CBFA2T2: variants seen among roughly 807,000 people sequenced by gnomAD.
The protein encoded by CBFA2T2 is protein CBFA2T2.
A neutral mutation model predicts 62.2 loss-of-function variants in CBFA2T2; 11 were observed. The observed-to-expected ratio is 0.18, with a 90% CI of 0.11 to 0.29. The LOEUF (loss-of-function observed/expected upper bound fraction) is 0.29, where lower values mean the gene tolerates loss of function less well. Ranked by LOEUF, CBFA2T2 falls within the 10% of genes least tolerant of loss-of-function variation. The probability of loss-of-function intolerance (pLI) is 1.00; values close to 1 mark genes in which losing one functional copy is unlikely to be tolerated. For missense variants in CBFA2T2, 592 were observed against 774.1 expected, an observed-to-expected ratio of 0.76 and a Z score of 2.79; for synonymous variants, 295 against 287.5, an observed-to-expected ratio of 1.03 and a Z score of -0.27.
At chr20:33,553,713 G>T (rs1316972346) in intron 1 of CBFA2T2, among the ~76,000 whole-genome samples, 2 of 152,200 alleles carry the variant, frequency 1.3e-5, no homozygotes, top group Non-Finnish European at 2.9e-5. Context: ...CAGGCTATAA[G>T]TTTGCTGACT....
chr20:33,587,269 T>G (rs540811426), intron 1 of CBFA2T2, among the ~76,000 whole-genome samples: 8 of 145,694 alleles, frequency 5.5e-5, no homozygotes, highest in African/African-American at 2.0e-4. Context: ...TTGTTTTGTT[T>G]TGTTTTGTTT....
chr20:33,554,558 T>TTTTTCTTTTC (rs143747291), intron 1 of CBFA2T2, among the ~76,000 whole-genome samples: 284 of 149,568 alleles, frequency 1.9e-3, no homozygotes, highest in African/African-American at 6.9e-3. Flanking sequence ...CTATTTTTCT[T>TTTTTCTTTTC]TTTTCTTTTC....
intron 1 of CBFA2T2, among the ~76,000 whole-genome samples, chr20:33,594,471 C>T (rs139975647): frequency 4.9e-4 from 75 of 152,246 alleles, no homozygotes; most frequent in African/African-American, 1.6e-3. Flanking sequence ...CCTCCTGCCT[C>T]GGCCTCCCAA....
chr20:33,618,946 G>A (rs1390944089), intron 3 of CBFA2T2, among the ~76,000 whole-genome samples: 1 of 152,188 alleles, frequency 6.6e-6, no homozygotes, highest in Non-Finnish European at 1.5e-5. Context: ...TAGGCTGCTG[G>A]GCAAAGGGGA....
intron 1 of CBFA2T2, among the ~76,000 whole-genome samples, chr20:33,584,652 C>A (rs1812060787): frequency 6.6e-6 from 1 of 151,976 alleles, no homozygotes; most frequent in South Asian, 2.1e-4. Flanking sequence ...GAAGTAATAG[C>A]AATAATAATA....
chr20:33,606,722 A>C (rs1405898621), intron 1 of CBFA2T2, among the ~76,000 whole-genome samples: 3 of 152,060 alleles, frequency 2.0e-5, no homozygotes, highest in African/African-American at 7.2e-5. Flanking sequence ...ACAATCTAGG[A>C]TGATCTCATC....
intron 1 of CBFA2T2, among the ~76,000 whole-genome samples, chr20:33,513,834 AAAG>A (rs1456000672): frequency 6.6e-6 from 1 of 150,892 alleles, no homozygotes; most frequent in East Asian, 2.0e-4. Context: ...AAAAAAAAAA[AAAG>A]AATGTTGTAC....
At chr20:33,633,409 TTGGGTTATGCAGAAATCCA>T (rs1298590634) in intron 8 of CBFA2T2, among the ~76,000 whole-genome samples, 1 of 151,472 alleles carries the variant, frequency 6.6e-6, no homozygotes, top group East Asian at 1.9e-4. Context: ...AATAAAAGTC[TTGGGTTATGCAGAAATCCA>T]TGGTGTGGAT....
At chr20:33,612,377 C>T (rs1028379416) in intron 3 of CBFA2T2, among the ~76,000 whole-genome samples, 1 of 152,178 alleles carries the variant, frequency 6.6e-6, no homozygotes, top group Non-Finnish European at 1.5e-5. Context: ...AAAGATGAAT[C>T]ACAGCACTAA....
At chr20:33,535,601 TA>T (rs1476429737) in intron 1 of CBFA2T2, among the ~76,000 whole-genome samples, 7 of 146,634 alleles carry the variant, frequency 4.8e-5, no homozygotes, top group African/African-American at 1.8e-4. Flanking sequence ...GATTGAGTTT[TA>T]TTTTTATTTT....
intron 1 of CBFA2T2, among the ~76,000 whole-genome samples, chr20:33,534,297 C>T (rs2012141583): frequency 6.6e-6 from 1 of 151,794 alleles, no homozygotes; most frequent in Non-Finnish European, 1.5e-5. Flanking sequence ...AAAAAAATTA[C>T]ATTGTTTATT....
intron 1 of CBFA2T2, among the ~76,000 whole-genome samples, chr20:33,510,811 T>G (rs1004517623): frequency 1.3e-5 from 2 of 152,204 alleles, no homozygotes; most frequent in Non-Finnish European, 2.9e-5. Context: ...TTTACTGACC[T>G]TTTAATGATC....
intron 1 of CBFA2T2, among the ~76,000 whole-genome samples, chr20:33,527,661 C>T (rs2011927954): frequency 6.6e-6 from 1 of 152,064 alleles, no homozygotes; most frequent in African/African-American, 2.4e-5. Flanking sequence ...GAGTGAGCCA[C>T]CTCACCCAGC....
intron 1 of CBFA2T2, among the ~76,000 whole-genome samples, chr20:33,535,345 C>T (rs960316299): frequency 9.1e-4 from 138 of 151,770 alleles, no homozygotes; most frequent in East Asian, 4.9e-3. Flanking sequence ...GAAAATTTGG[C>T]CACACTGGGT....
At chr20:33,536,281 G>A (rs1291186014) in intron 1 of CBFA2T2, among the ~76,000 whole-genome samples, 3 of 145,678 alleles carry the variant, frequency 2.1e-5, no homozygotes, top group Non-Finnish European at 3.1e-5. Flanking sequence ...CAGACGGGGC[G>A]GCTGGCCGGG....
At chr20:33,584,602 A>G (rs2014284182) in intron 1 of CBFA2T2, among the ~76,000 whole-genome samples, 1 of 152,136 alleles carries the variant, frequency 6.6e-6, no homozygotes, top group Non-Finnish European at 1.5e-5. Flanking sequence ...TCAGCCCATC[A>G]GGTAAGCTCT....
intron 5 of CBFA2T2, 101 bp downstream of exon 5, chr20:33,623,397 C>A: frequency 7.1e-7 from 1 of 1,405,050 alleles, no homozygotes; most frequent in Non-Finnish European, 9.8e-7. Context: ...GTTGTAATGT[C>A]TCAAACTTTT....
Position 33,629,805 on chromosome 20 carries a change from A to C in CBFA2T2, c.1119A>C (p.Glu373Asp). 6.2e-7 allele frequency: 1 copy of C among 1,614,150 alleles called. No homozygotes were observed. Among genetic ancestry groups the C allele is most frequent in the Non-Finnish European group, 8.5e-7 (1 of 1,180,026 alleles). Residue 373 changes from glutamate (E) to aspartate (D), a missense_variant, in exon 8 of 11, where the codon GAA becomes GAC. Around this residue, in one of 3 missense-constraint regions of CBFA2T2, gnomAD observed 449 missense variants for 551.2 expected, o/e 0.81. Transcript: ENST00000342704. ...LRRCQESDRE[E>D]LNYWKRRYNE... ...GCTGTCAGGAATCAGATCGTGAAGA[A>C]CTCAACTACTGGAAAAGACGGTACA...
chr20:33,510,172 A>G (rs1396437776), intron 1 of CBFA2T2, among the ~76,000 whole-genome samples: 2 of 151,002 alleles, frequency 1.3e-5, no homozygotes, highest in East Asian at 1.9e-4. Context: ...ATGGCTGCAT[A>G]GTATTCCATG....
Sources: gnomAD v4.1 joint callset for allele counts (sites outside exome capture counted in the v4.1 genomes callset) on GRCh38, gnomAD v4.1.1 for gene constraint, gnomAD v4.1.1 regional missense constraint, MANE v1.5 for transcripts, NCBI Gene and HGNC (gene_info 2026-07-23, HGNC 2026-07-21) for gene names.